CPD: variants seen among roughly 807,000 people sequenced by gnomAD.
CPD encodes the protein carboxypeptidase D.
A neutral mutation model predicts 138.3 loss-of-function variants in CPD; 69 were observed. That is an observed-to-expected ratio of 0.50 (90% CI 0.41 to 0.61). The LOEUF is 0.61. CPD is among the 20% of genes least tolerant of loss of function. The pLI, the probability that CPD is intolerant of heterozygous loss-of-function variation, is 0.00. For synonymous variants in CPD, 651 were observed against 642.1 expected (o/e 1.01, Z -0.21); for missense variants, 1,432 against 1,733.3 (o/e 0.83, Z 3.09).
intron 2 of CPD, among the ~76,000 whole-genome samples, chr17:30,411,177 A>T (rs1911958922): frequency 6.6e-6 from 1 of 152,180 alleles, no homozygotes; most frequent in Non-Finnish European, 1.5e-5. Flanking sequence ...AGAATGTTGA[A>T]TATTGGCCCC....
At chr17:30,446,062 A>C in intron 12 of CPD, 42 bp downstream of exon 12, 1 of 1,373,868 alleles carries the variant, frequency 7.3e-7, no homozygotes, top group African/African-American at 1.5e-5. Flanking sequence ...TTTTCAAGAC[A>C]GTAAAATCAG....
chr17:30,469,485 T>C lies in CPD; in HGVS notation c.*4671T>C, dbSNP rs970736116. ...GTTAGCAAAGGTCCCAACATAATAT[T>C]TGACTTGGAATTGAATGCCCATGGT... On this transcript the variant is annotated 3_prime_UTR_variant, in exon 21 of 21. Coordinates refer to ENST00000225719, the MANE Select transcript of CPD (RefSeq NM_001304.5). 3 of 152,182 alleles carry C rather than the reference T, an allele frequency of 2.0e-5. No individual in the cohort carries two copies. Among genetic ancestry groups the C allele is most frequent in the Non-Finnish European group, 4.4e-5 (3 of 68,008 alleles). The allele number at this position is 152,182 out of a possible 1,614,324, so 9.4% of individuals were successfully genotyped here.
chr17:30,422,575 C>A, intron 4 of CPD, 99 bp from the exon 5 acceptor site: 1 of 723,182 alleles, frequency 1.4e-6, no homozygotes. Context: ...TGATAGATCG[C>A]TAAGTGTAAG....
At chr17:30,434,198 A>G (rs1912641492) in intron 8 of CPD, among the ~76,000 whole-genome samples, 1 of 152,202 alleles carries the variant, frequency 6.6e-6, no homozygotes, top group Non-Finnish European at 1.5e-5. Flanking sequence ...TTTTCTTTAA[A>G]CAATATAAAA....
chr17:30,387,630 G>A (rs886783157), intron 2 of CPD, among the ~76,000 whole-genome samples: 3 of 152,162 alleles, frequency 2.0e-5, no homozygotes, highest in African/African-American at 7.2e-5. Context: ...TGCCCATGAT[G>A]AAATGCCTTA....
rs1912252258 is a variant in CPD at position 30,420,996 on chromosome 17, G to C, written c.1137+13G>C. 6.2e-7 allele frequency: 1 copy of C among 1,611,158 alleles called. No homozygotes were observed. On this transcript the variant is annotated intron_variant, in intron 3 of 20. Transcript: ENST00000225719. ...ATTGATTGAAAAGGTAAAAGTAGAT[G>C]ACTGGAATGTTGGGGTATAGAAACA...
Position 30,442,448 on chromosome 17 carries a change from C to G in CPD, c.2371C>G (p.Gln791Glu), listed in dbSNP as rs767221775. 1.2e-6 allele frequency: 2 copies of G among 1,612,968 alleles called. No homozygotes were observed. Among genetic ancestry groups the G allele is most frequent in the Middle Eastern group, 1.7e-4 (1 of 6,054 alleles). The change falls in exon 10 of 21, where the codon CAG becomes GAG. Residue 791 changes from glutamine (Q) to glutamate (E), a missense_variant and splice_region_variant. Physicochemically the swap from Gln to Glu is conservative, Grantham distance 29 (BLOSUM62 2). Coordinates refer to ENST00000225719, the MANE Select transcript of CPD (RefSeq NM_001304.5). ...NRRSLIQFMK[Q>E]VHQGVRGFVL... The stretch of plus-strand genomic sequence containing the variant: ...AAGATCACTAATCCAGTTTATGAAA[C>G]AGGTGACTATTCAGGAGTGAAGTAT...
chr17:30,423,765 G>T, intron 6 of CPD, 68 bp downstream of exon 6: 1 of 1,187,144 alleles, frequency 8.4e-7, no homozygotes, highest in Non-Finnish European at 1.1e-6. Flanking sequence ...ATGGAGAAGA[G>T]AATTTGAACT....
rs1022109561 is a variant in CPD, at chr17:30,455,418, A to G, written c.3285A>G (p.Leu1095=). 4 of 1,613,818 alleles carry G rather than the reference A, an allele frequency of 2.5e-6. No individual in the cohort carries two copies. The Admixed American group carries it at 6.7e-5, about 27-fold the overall frequency. Residue 1095 remains leucine (L), a synonymous_variant, in exon 15 of 21, where the codon TTA becomes TTG. Coordinates refer to ENST00000225719, the MANE Select transcript of CPD (RefSeq NM_001304.5). The part of the protein sequence containing the change: ...QKQDFSLSVA[L]DGGSMLVTYP... ...AGGACTTTAGTCTTTCTGTTGCCTT[A>G]GATGGTGGTTCCATGCTGGTCACAT...
chr17:30,394,013 T>TA (rs1250865332), intron 2 of CPD, among the ~76,000 whole-genome samples: 6 of 151,518 alleles, frequency 4.0e-5, no homozygotes, highest in Non-Finnish European at 7.4e-5. Context: ...TGCACCCCTG[T>TA]AGTCCCAGCT....
chr17:30,438,373 C>T (rs1912761508), intron 8 of CPD, among the ~76,000 whole-genome samples: 1 of 152,114 alleles, frequency 6.6e-6, no homozygotes, highest in African/African-American at 2.4e-5. Flanking sequence ...GGCAGTTTTT[C>T]TTACCCTTCA....
intron 2 of CPD, among the ~76,000 whole-genome samples, chr17:30,416,332 CA>C (rs1325350913): frequency 1.3e-5 from 2 of 151,432 alleles, no homozygotes; most frequent in East Asian, 3.9e-4. Flanking sequence ...AAGTCCGTCT[CA>C]AAAAAAAGAA....
chr17:30,420,864 G>T lies in CPD; in HGVS notation c.1018G>T (p.Val340Leu), dbSNP rs113671462. The stretch of plus-strand genomic sequence containing the variant: ...AGGTGGTATGCAAGATTACAATTAT[G>T]TGTGGGCCAACTGTTTTGAGATCAC... ...VEGGMQDYNY[V>L]WANCFEITLE... The change falls in exon 3 of 21, where the codon GTG (valine) becomes TTG (leucine). Residue 340 changes from valine (V) to leucine (L), a missense_variant. Transcript: ENST00000225719. 6.2e-7 allele frequency: 1 copy of T among 1,611,922 alleles called. No homozygotes were observed. Among genetic ancestry groups the T allele is most frequent in the Admixed American group, 1.7e-5 (1 of 59,938 alleles).
chr17:30,403,630 T>A (rs1389658609), intron 2 of CPD, among the ~76,000 whole-genome samples: 1 of 152,210 alleles, frequency 6.6e-6, no homozygotes, highest in Non-Finnish European at 1.5e-5. Context: ...TAAGAGACTT[T>A]CCAGTGGCAT....
Position 30,422,815 on chromosome 17 carries a change from T to C in CPD, c.1449T>C (p.Pro483=). The change falls in exon 5 of 21, where the codon CCT becomes CCC. Residue 483 remains proline (P), a synonymous_variant. Transcript: ENST00000225719. ...CAACTGCTAGCACAGTTGCTATACC[T>C]AATATTCTTTCTGGAACATCATCCT... ...AVSTASTVAI[P]NILSGTSSSY... 6.2e-7 allele frequency: 1 copy of C among 1,614,108 alleles called. No individual in the cohort carries two copies. The highest frequency in any genetic ancestry group is 1.1e-5 in the South Asian group (1 of 91,084).
At position 30,379,762 on chromosome 17, in the gene CPD, C is replaced by T; in HGVS notation, c.746+36C>T. On this transcript the variant is annotated intron_variant, in intron 1 of 20. Coordinates refer to ENST00000225719, the MANE Select transcript of CPD (RefSeq NM_001304.5). This position sits in a 1 kb window ranked among gnomAD's most constrained non-coding sequence, Gnocchi z 7.0. ...CCTGCCCCCTCCCCGTCCGTGTGAG[C>T]CTCCAAGGGCCGAGGCTGGTTCCGG... is the stretch of plus-strand genomic sequence containing the variant. 1 of 1,375,376 alleles carries T rather than the reference C, an allele frequency of 7.3e-7. No homozygotes were observed. Among genetic ancestry groups the T allele is most frequent in the Non-Finnish European group, 9.4e-7 (1 of 1,058,320 alleles). The allele number at this position is 1,375,376 out of a possible 1,614,324, so 85.2% of individuals were successfully genotyped here.
intron 12 of CPD, among the ~76,000 whole-genome samples, chr17:30,446,936 C>T (rs2143478697): frequency 6.6e-6 from 1 of 152,314 alleles, no homozygotes; most frequent in Non-Finnish European, 1.5e-5. Flanking sequence ...TGATGATGAG[C>T]ATTTTTTTGT....
chr17:30,385,418 A>G (rs1454123994), intron 2 of CPD, 182 bp downstream of exon 2: 3 of 621,338 alleles, frequency 4.8e-6, no homozygotes, highest in Non-Finnish European at 7.6e-6. Flanking sequence ...TCTGTCCTTC[A>G]TTTAAATTCA....
In CPD at chr17:30,465,148, G is replaced by A. The variant is rs1163333227; in HGVS notation, c.*334G>A. The A allele has an allele frequency of 4.5e-6, 1 of 221,518 alleles. No homozygotes were observed. Among genetic ancestry groups the A allele is most frequent in the Non-Finnish European group, 9.0e-6 (1 of 110,716 alleles). 13.7% of individuals were successfully genotyped at this position (221,518 alleles called of 1,614,324 possible). A position where few individuals can be genotyped will look rare whatever the true frequency, so the allele number is the denominator to read the frequency against. ...TATTTTGCACATCAGATGTTTACTA[G>A]TGGCTTTAGTATTTTTCTTTGTTTT... On this transcript the variant is annotated 3_prime_UTR_variant, in exon 21 of 21. Transcript: ENST00000225719.
Sources: allele counts gnomAD v4.1 joint callset (sites outside exome capture counted in the v4.1 genomes callset), GRCh38; gene constraint gnomAD v4.1.1; non-coding constraint Gnocchi (gnomAD v3.1); transcripts MANE v1.5; gene names NCBI Gene and HGNC (gene_info 2026-07-23, HGNC 2026-07-21).